Variants in MYO3A observed in about 807,000 individuals in gnomAD.
MYO3A encodes the protein myosin-IIIa.
MYO3A carries 180 observed loss-of-function variants against 192.7 expected under a neutral mutation model. That is an observed-to-expected ratio of 0.93 (90% confidence interval 0.83 to 1.06). The LOEUF (loss-of-function observed/expected upper bound fraction) is 1.06. Ranked by LOEUF, MYO3A falls within the 50% of genes least tolerant of loss-of-function variation. The probability of loss-of-function intolerance (pLI) is 0.00; values close to 1 mark genes in which losing one functional copy is unlikely to be tolerated. For missense variants in MYO3A, 1,896 were observed against 1,905.0 expected (o/e 1.00, Z 0.09); for synonymous variants, 628 against 645.3 (o/e 0.97, Z 0.41).
intron 4 of MYO3A, among the ~76,000 whole-genome samples, chr10:25,958,496 CTGTAG>C (rs199874026): frequency 0.011 from 1,712 of 152,032 alleles, 36 homozygotes; most frequent in African/African-American, 0.037. Flanking sequence ...TACTGTAGCC[CTGTAG>C]TATAGTTTGA....
intron 20 of MYO3A, among the ~76,000 whole-genome samples, chr10:26,135,297 T>C (rs1258884493): frequency 6.6e-6 from 1 of 152,108 alleles, no homozygotes; most frequent in Non-Finnish European, 1.5e-5. Context: ...CACCTTTTTC[T>C]TCTTCATAGG....
At chr10:26,005,303 C>T (rs1421130447) in intron 6 of MYO3A, among the ~76,000 whole-genome samples, 1 of 151,310 alleles carries the variant, frequency 6.6e-6, no homozygotes, top group Non-Finnish European at 1.5e-5. Flanking sequence ...GAACAACTGG[C>T]CTGAAATCTT....
Position 26,065,945 on chromosome 10 carries a change from G to GT in MYO3A, c.954-1029dup, listed in dbSNP as rs1200636392. On this transcript the variant is annotated intron_variant, in intron 10 of 34. Coordinates refer to ENST00000642920, the MANE Select transcript of MYO3A (RefSeq NM_017433.5). ...ATCCTGGCTAACACGGTGAAACCCC[G>GT]TCTCTACTAAAAATACAAAAATTAG... Among the ~76,000 whole-genome samples, 11 of 72,820 alleles carry GT rather than the reference G, an allele frequency of 1.5e-4. 2 individuals carry two copies. Among genetic ancestry groups the GT allele is most frequent in the African/African-American group, 4.6e-4 (11 of 23,906 alleles). 47.8% of individuals were successfully genotyped at this position (72,820 alleles called of 152,430 possible). A position where few individuals can be genotyped will look rare whatever the true frequency, so the allele number is the denominator to read the frequency against.
At chr10:25,936,759 C>G (rs1836096717) in intron 2 of MYO3A, among the ~76,000 whole-genome samples, 1 of 152,232 alleles carries the variant, frequency 6.6e-6, no homozygotes, top group Non-Finnish European at 1.5e-5. Flanking sequence ...TAAAAACTTT[C>G]TAATCTTCAG....
At chr10:25,969,538 T>G (rs1172517715) in intron 4 of MYO3A, among the ~76,000 whole-genome samples, 1 of 152,144 alleles carries the variant, frequency 6.6e-6, no homozygotes, top group Non-Finnish European at 1.5e-5. Context: ...TAAAGATGCA[T>G]ATTGTAAACC....
At chr10:26,143,314 G>C (rs1840273193) in intron 20 of MYO3A, 134 bp from the exon 21 acceptor site, 7 of 874,076 alleles carry the variant, frequency 8.0e-6, no homozygotes, top group African/African-American at 1.7e-5. Context: ...CTGGACGACA[G>C]AGCGAGTCTC....
chr10:26,068,513 CTG>C (rs1834995139), intron 11 of MYO3A, among the ~76,000 whole-genome samples: 1 of 152,012 alleles, frequency 6.6e-6, no homozygotes, highest in South Asian at 2.1e-4. Context: ...TTTAAAATTC[CTG>C]TGACACATAA....
chr10:26,154,962 C>A, intron 25 of MYO3A, 139 bp downstream of exon 25: 1 of 743,540 alleles, frequency 1.3e-6, no homozygotes, highest in Admixed American at 2.1e-5. Context: ...GATATGTTAG[C>A]ATCTACCTTC....
intron 4 of MYO3A, among the ~76,000 whole-genome samples, chr10:25,955,669 T>A (rs2130589916): frequency 6.6e-6 from 1 of 152,342 alleles, no homozygotes; most frequent in Non-Finnish European, 1.5e-5. Context: ...TTTTTCTGAT[T>A]TTCATTGAAC....
chr10:25,967,249 A>G (rs1191222997), intron 4 of MYO3A, among the ~76,000 whole-genome samples: 1 of 152,238 alleles, frequency 6.6e-6, no homozygotes, highest in African/African-American at 2.4e-5. Flanking sequence ...AATAATTACC[A>G]GAGAAAGAAT....
intron 26 of MYO3A, among the ~76,000 whole-genome samples, chr10:26,164,495 TGA>T (rs1421043368): frequency 2.6e-5 from 4 of 152,106 alleles, no homozygotes; most frequent in Non-Finnish European, 4.4e-5. Context: ...GCTTGTCTGC[TGA>T]GAGAGGTACG....
At chr10:26,166,647 A>G (rs1029188159) in intron 27 of MYO3A, among the ~76,000 whole-genome samples, 1 of 152,262 alleles carries the variant, frequency 6.6e-6, no homozygotes, top group African/African-American at 2.4e-5. Context: ...TTCAGATGGT[A>G]TTGAAAACAG....
chr10:25,968,090 C>G (rs180685887), intron 4 of MYO3A, among the ~76,000 whole-genome samples: 245 of 152,078 alleles, frequency 1.6e-3, no homozygotes, highest in Non-Finnish European at 1.9e-3. Context: ...AAAAATCACT[C>G]AAGTATGAGA....
intron 17 of MYO3A, among the ~76,000 whole-genome samples, chr10:26,104,794 C>A (rs1279868564): frequency 6.6e-6 from 1 of 151,834 alleles, no homozygotes; most frequent in African/African-American, 2.4e-5. Flanking sequence ...TTTCTCCTCC[C>A]CTAGTTAATG....
intron 31 of MYO3A, among the ~76,000 whole-genome samples, chr10:26,190,800 T>C (rs1843089005): frequency 6.6e-6 from 1 of 152,286 alleles, no homozygotes; most frequent in African/African-American, 2.4e-5. Flanking sequence ...TTAATTTTAA[T>C]GTCAAAAACT....
intron 21 of MYO3A, 31 bp from the exon 22 acceptor site, chr10:26,145,415 C>A: frequency 7.1e-7 from 1 of 1,411,314 alleles, no homozygotes; most frequent in Non-Finnish European, 1.0e-6. Context: ...CTCATACATG[C>A]TTGATATTTG....
chr10:26,023,962 C>T, intron 8 of MYO3A, 60 bp from the exon 9 acceptor site: 1 of 1,465,668 alleles, frequency 6.8e-7, no homozygotes, highest in Non-Finnish European at 9.6e-7. Context: ...CTGGCTCTGC[C>T]TCTCATTTTA....
At chr10:25,943,542 T>G (rs75661888) in intron 2 of MYO3A, among the ~76,000 whole-genome samples, 1,709 of 152,254 alleles carry the variant, frequency 0.011, 38 homozygotes, top group African/African-American at 0.037. Flanking sequence ...TGTGTGTTCT[T>G]TAATTTCTTT....
At chr10:25,952,063 C>T in intron 2 of MYO3A, 31 bp from the exon 3 acceptor site, 1 of 1,518,760 alleles carries the variant, frequency 6.6e-7, no homozygotes, top group Non-Finnish European at 9.1e-7. Flanking sequence ...CCTCAATCAA[C>T]TGTAGATGAA....
Sources: gnomAD v4.1 joint callset for allele counts (sites outside exome capture counted in the v4.1 genomes callset) on GRCh38, gnomAD v4.1.1 for gene constraint, MANE v1.5 for transcripts, NCBI Gene and HGNC (gene_info 2026-07-23, HGNC 2026-07-21) for gene names.